XYLB: variants seen among roughly 807,000 people sequenced by gnomAD.
XYLB encodes the protein xylulokinase.
XYLB carries 62 observed loss-of-function variants against 78.7 expected under a neutral mutation model. The observed-to-expected ratio is 0.79, with a 90% CI of 0.64 to 0.97. XYLB has a LOEUF of 0.97. XYLB is among the 50% of genes least tolerant of loss of function. The pLI, the probability that XYLB is intolerant of heterozygous loss-of-function variation, is 0.00. For missense variants in XYLB, 687 were observed against 676.8 expected, an observed-to-expected ratio of 1.02 and a Z score of -0.17; for synonymous variants, 245 against 247.4, an observed-to-expected ratio of 0.99 and a Z score of 0.09.
chr3:38,362,923 G>A lies in XYLB; in HGVS notation c.211-14G>A, dbSNP rs1030649099. On this transcript the variant is annotated splice_polypyrimidine_tract_variant and intron_variant, in intron 3 of 18. Transcript: ENST00000207870. ...GTTCTGTACAGTCATGGTGGGTTCT[G>A]TTTTTCTTCTTAGGCACTGGATATC... 7 of 1,559,706 alleles carry A rather than the reference G, an allele frequency of 4.5e-6. No individual in the cohort carries two copies. Among genetic ancestry groups the A allele is most frequent in the East Asian group, 2.4e-5 (1 of 42,350 alleles).
intron 15 of XYLB, among the ~76,000 whole-genome samples, chr3:38,382,721 G>C (rs1179429684): frequency 6.6e-6 from 1 of 152,210 alleles, no homozygotes; most frequent in African/African-American, 2.4e-5. Context: ...CCAGGGAACG[G>C]AACAGCCCAG....
chr3:38,442,317 C>G, the XYLB span, among the ~76,000 whole-genome samples: 2 of 152,318 alleles, frequency 1.3e-5, no homozygotes, highest in Middle Eastern at 3.4e-3. Flanking sequence ...GGCTTCTGAA[C>G]TGGTAGCCAA....
the XYLB span, among the ~76,000 whole-genome samples, chr3:38,441,952 T>G: frequency 6.6e-6 from 1 of 152,136 alleles, no homozygotes; most frequent in Non-Finnish European, 1.5e-5. Flanking sequence ...AGGGCCTGCT[T>G]TAAGGTTTTG....
intron 2 of XYLB, among the ~76,000 whole-genome samples, chr3:38,352,910 T>C (rs1266129856): frequency 1.3e-5 from 2 of 152,132 alleles, no homozygotes; most frequent in Non-Finnish European, 2.9e-5. Context: ...TTAAGACTTT[T>C]CACTGTTATA....
At position 38,346,919 on chromosome 3, in the gene XYLB, G is replaced by T. The variant is rs1705091479; in HGVS notation, c.51G>T (p.Thr17=). The T allele has an allele frequency of 6.6e-7, 1 of 1,510,066 alleles. No homozygotes were observed. The highest frequency in any genetic ancestry group is 8.8e-7 in the Non-Finnish European group (1 of 1,131,544). The allele number at this position is 1,510,066 out of a possible 1,614,324, so 93.5% of individuals were successfully genotyped here. ...GCTGCCTGGGCTGGGACTTCAGCAC[G>T]CAGCAGGTACAGTCGCCTGGCCGCA... The part of the protein sequence containing the change: ...RRCCLGWDFS[T]QQVKVVAVDA... The change falls in exon 1 of 19, where the codon ACG becomes ACT. Residue 17 remains threonine, a synonymous_variant. Transcript: ENST00000207870.
downstream of XYLB, among the ~76,000 whole-genome samples, chr3:38,419,907 C>T (rs1161511489): frequency 2.0e-5 from 3 of 152,056 alleles, no homozygotes; most frequent in Middle Eastern, 3.4e-3. Context: ...GCAATCTCTG[C>T]CTCCTGGGTT....
the XYLB span, among the ~76,000 whole-genome samples, chr3:38,432,669 T>G: frequency 4.6e-5 from 7 of 152,346 alleles, no homozygotes; most frequent in Non-Finnish European, 1.0e-4. Context: ...ACAGGCCTCA[T>G]GCAAGTCCGA....
intron 17 of XYLB, among the ~76,000 whole-genome samples, chr3:38,398,800 G>A (rs1320422181): frequency 6.6e-5 from 10 of 151,088 alleles, no homozygotes; most frequent in East Asian, 2.0e-4. Flanking sequence ...CAAGGTAGGC[G>A]GATTATGAGG....
chr3:38,435,708 C>T, the XYLB span, among the ~76,000 whole-genome samples: 1 of 152,148 alleles, frequency 6.6e-6, no homozygotes, highest in Non-Finnish European at 1.5e-5. Context: ...AAACAAGCCT[C>T]AACAATTTTT....
At chr3:38,381,612 T>G (rs1040347673) in intron 15 of XYLB, among the ~76,000 whole-genome samples, 1 of 152,218 alleles carries the variant, frequency 6.6e-6, no homozygotes, top group South Asian at 2.1e-4. Context: ...AAAGAGAATG[T>G]GCGCCTGCGG....
At chr3:38,401,056 A>G (rs914057781) in intron 18 of XYLB, 71 bp downstream of exon 18, 3 of 1,335,774 alleles carry the variant, frequency 2.2e-6, no homozygotes, top group East Asian at 4.6e-5. Context: ...TCCCCCACCA[A>G]AAGGTCACCT....
At chr3:38,361,292 C>T (rs1335144993) in intron 3 of XYLB, among the ~76,000 whole-genome samples, 1 of 151,972 alleles carries the variant, frequency 6.6e-6, no homozygotes, top group African/African-American at 2.4e-5. Flanking sequence ...CCAGGGGCTA[C>T]CTCATCATAT....
At chr3:38,411,831 G>T (rs1028623762) in intron 18 of XYLB, among the ~76,000 whole-genome samples, 1 of 151,978 alleles carries the variant, frequency 6.6e-6, no homozygotes, top group Non-Finnish European at 1.5e-5. Context: ...ATAACTACCT[G>T]GTGAGAAGTC....
chr3:38,363,785 C>T (rs1007988238), intron 4 of XYLB, among the ~76,000 whole-genome samples: 2 of 152,248 alleles, frequency 1.3e-5, no homozygotes, highest in Non-Finnish European at 2.9e-5. Flanking sequence ...TGTCACTTAC[C>T]CAAGATCACA....
Position 38,392,559 on chromosome 3 carries a change from A to C in XYLB, c.1292-2946A>C, listed in dbSNP as rs187554668. On this transcript the variant is annotated intron_variant, in intron 15 of 18. Transcript: ENST00000207870. ...TGATACACCCGTCTCGGTCTCCCAA[A>C]GTGCTGGGATTACAGGCGTGAGCCA... Among the ~76,000 whole-genome samples, 299 of 152,266 alleles carry C rather than the reference A, an allele frequency of 2.0e-3. 2 individuals carry two copies. The highest frequency in any genetic ancestry group is 0.017 in the Middle Eastern group (5 of 294).
chr3:38,355,706 AC>A (rs1230755050), intron 2 of XYLB: 1 of 703,180 alleles, frequency 1.4e-6, no homozygotes, highest in African/African-American at 1.7e-5. Context: ...TCCTTCTCTG[AC>A]TTTTCTCCCA....
intron 15 of XYLB, among the ~76,000 whole-genome samples, chr3:38,393,533 G>A (rs187054309): frequency 1.1e-3 from 169 of 152,320 alleles, no homozygotes; most frequent in African/African-American, 2.8e-3. Flanking sequence ...TAGTATGTCA[G>A]TATTAGTTGG....
intron 2 of XYLB, among the ~76,000 whole-genome samples, chr3:38,349,231 T>G (rs1272525902): frequency 1.3e-5 from 2 of 152,196 alleles, no homozygotes; most frequent in Non-Finnish European, 2.9e-5. Context: ...CATTCCTTCA[T>G]GCAATTGAAG....
At chr3:38,375,362 A>G (rs1489556708) in intron 12 of XYLB, 103 bp downstream of exon 12, 5 of 958,886 alleles carry the variant, frequency 5.2e-6, no homozygotes, top group Non-Finnish European at 7.9e-6. Flanking sequence ...CTCTGGAATG[A>G]CTCCCTCCAC....
Sources: allele counts gnomAD v4.1 joint callset (sites outside exome capture counted in the v4.1 genomes callset), GRCh38; gene constraint gnomAD v4.1.1; transcripts MANE v1.5; gene names NCBI Gene and HGNC (gene_info 2026-07-23, HGNC 2026-07-21).